The following RNASE11 variants were observed in gnomAD, a reference collection of about 807,000 sequenced individuals.
RNASE11 encodes putative inactive ribonuclease 11.
For synonymous variants in RNASE11, 105 were observed against 86.1 expected, an observed-to-expected ratio of 1.22 and a Z score of -1.21; for missense variants, 252 against 237.8, an observed-to-expected ratio of 1.06 and a Z score of -0.39.
At chr14:20,589,867 A>C (rs1182507631), upstream of RNASE11, among the ~76,000 whole-genome samples, 1 of 152,154 alleles carries the variant, frequency 6.6e-6, no homozygotes, top group Admixed American at 6.5e-5. Context: ...AGCCTGGATA[A>C]CAAGAGCAAA....
upstream of RNASE11, chr14:20,588,332 G>A (rs1409775996): frequency 6.6e-6 from 1 of 152,196 alleles, no homozygotes; most frequent in East Asian, 1.9e-4. Flanking sequence ...AGGATACTAT[G>A]CCCATAGCTG....
chr14:20,584,264 TATC>T, exon 2 of RNASE11: 1 of 1,614,236 alleles, frequency 6.2e-7, no homozygotes, highest in Admixed American at 1.7e-5. Context: ...GTGGAAGACA[TATC>T]ATCCTTGGAC....
intron 1 of RNASE11, 80 bp from the exon 3 acceptor site, chr14:20,584,576 G>T: frequency 8.3e-7 from 1 of 1,203,566 alleles, no homozygotes; most frequent in Non-Finnish European, 1.1e-6. Flanking sequence ...AGTTATTCCT[G>T]GTAGGGACCC....
chr14:20,589,488 C>T (rs1050025122), upstream of RNASE11, among the ~76,000 whole-genome samples: 1 of 150,792 alleles, frequency 6.6e-6, no homozygotes, highest in Admixed American at 6.6e-5. Flanking sequence ...CTCCTGGCCT[C>T]GTGATCCACC....
At chr14:20,586,244 A>G (rs1884431040) in intron 1 of RNASE11, among the ~76,000 whole-genome samples, 1 of 152,074 alleles carries the variant, frequency 6.6e-6, no homozygotes, top group Admixed American at 6.5e-5. Flanking sequence ...ACCCTATGCC[A>G]TCTCTCCCAC....
At chr14:20,588,978 G>A (rs1036099174), upstream of RNASE11, among the ~76,000 whole-genome samples, 9 of 151,998 alleles carry the variant, frequency 5.9e-5, no homozygotes, top group African/African-American at 2.2e-4. Context: ...GTGGAGAGGA[G>A]GTTTCACCAT....
At chr14:20,586,273 G>A (rs1031424463) in intron 1 of RNASE11, among the ~76,000 whole-genome samples, 1 of 152,024 alleles carries the variant, frequency 6.6e-6, no homozygotes, top group Non-Finnish European at 1.5e-5. Context: ...TTTCTTGAAT[G>A]GCTATTCTTT....
upstream of RNASE11, chr14:20,590,171 C>T: frequency 1.3e-6 from 2 of 1,508,958 alleles, no homozygotes; most frequent in Non-Finnish European, 8.8e-7. Context: ...AGTGGCTTCC[C>T]CTTCCGCTCA....
intron 1 of RNASE11, 52 bp from the exon 3 acceptor site, chr14:20,584,548 T>TACC: frequency 7.0e-7 from 1 of 1,422,820 alleles, no homozygotes; most frequent in Non-Finnish European, 9.3e-7. Context: ...AAAGAGGTAG[T>TACC]TCTTTCTTCC....
intron 1 of RNASE11, among the ~76,000 whole-genome samples, chr14:20,584,721 CCA>C (rs909477137): frequency 2.6e-5 from 4 of 152,266 alleles, no homozygotes; most frequent in Non-Finnish European, 4.4e-5. Flanking sequence ...TTATTTAACT[CCA>C]GTTTCCCCAT....
chr14:20,583,951 G>T, exon 2 of RNASE11: 1 of 1,614,158 alleles, frequency 6.2e-7, no homozygotes, highest in Non-Finnish European at 8.5e-7. Context: ...CTCTAATGAG[G>T]TAACACTATG....
At chr14:20,586,315 C>T (rs911547299) in intron 1 of RNASE11, among the ~76,000 whole-genome samples, 1 of 152,218 alleles carries the variant, frequency 6.6e-6, no homozygotes, top group East Asian at 1.9e-4. Flanking sequence ...AAGCCCAGTT[C>T]AGATCTCATT....
At chr14:20,587,147 T>C (rs1369211521) in intron 1 of RNASE11, among the ~76,000 whole-genome samples, 1 of 152,188 alleles carries the variant, frequency 6.6e-6, no homozygotes, top group Non-Finnish European at 1.5e-5. Context: ...AATGAGACTC[T>C]GATCCTATAT....
At chr14:20,587,806 C>T (rs902327523), upstream of RNASE11, 3 of 985,382 alleles carry the variant, frequency 3.0e-6, no homozygotes, top group Non-Finnish European at 3.6e-6. Context: ...TCTGATCAAT[C>T]GCATGGAACT....
upstream of RNASE11, chr14:20,590,202 G>A (rs770400625): frequency 2.3e-5 from 36 of 1,546,366 alleles, no homozygotes; most frequent in African/African-American, 9.6e-5. Context: ...CCATGTCCAC[G>A]GTCCAGGTCT....
At chr14:20,585,112 T>C in intron 1 of RNASE11, 1 of 984,812 alleles carries the variant, frequency 1.0e-6, no homozygotes, top group Non-Finnish European at 1.2e-6. Flanking sequence ...TTCCTGGGAG[T>C]TTCTGCTGTT....
intron 1 of RNASE11, among the ~76,000 whole-genome samples, chr14:20,585,806 A>G (rs950766556): frequency 6.6e-6 from 1 of 152,220 alleles, no homozygotes; most frequent in Non-Finnish European, 1.5e-5. Flanking sequence ...ACATAACATG[A>G]CCTTACTAGT....
At chr14:20,584,380 T>C (rs1259316139) in exon 2 of RNASE11, 5 of 1,614,212 alleles carry the variant, frequency 3.1e-6, no homozygotes, top group Non-Finnish European at 4.2e-6. Context: ...CATCTCTTCG[T>C]CTGTAAATTC....
chr14:20,584,041 A>G, exon 2 of RNASE11: 1 of 1,614,206 alleles, frequency 6.2e-7, no homozygotes, highest in Non-Finnish European at 8.5e-7. Context: ...ACAGCAGCTT[A>G]TGCCAGGATT....
Sources: gnomAD v4.1 joint callset for allele counts (sites outside exome capture counted in the v4.1 genomes callset) on GRCh38, gnomAD v4.1.1 for gene constraint, MANE v1.5 for transcripts, NCBI Gene and HGNC (gene_info 2026-07-23, HGNC 2026-07-21) for gene names.